Variants in CEP63 observed in about 807,000 individuals in gnomAD.
CEP63 encodes centrosomal protein of 63 kDa.
In CEP63, 84 loss-of-function variants were observed where a neutral mutation model predicts 89.1. The observed-to-expected ratio is 0.94, with a 90% CI of 0.79 to 1.13. The LOEUF (loss-of-function observed/expected upper bound fraction) is 1.13. Ranked by LOEUF, CEP63 falls within the 50% of genes most tolerant of loss-of-function variation. CEP63 has a pLI of 0.00. For synonymous variants in CEP63, 267 were observed against 272.5 expected (o/e 0.98, Z 0.20); for missense variants, 838 against 813.3 (o/e 1.03, Z -0.37).
At chr3:134,689,824 T>C in the CEP63 span, among the ~76,000 whole-genome samples, 1 of 152,176 alleles carries the variant, frequency 6.6e-6, no homozygotes, top group African/African-American at 2.4e-5. Flanking sequence ...CAGTAAGATG[T>C]TACAACTAAG....
At chr3:134,604,769 T>A in the CEP63 span, among the ~76,000 whole-genome samples, 1 of 152,182 alleles carries the variant, frequency 6.6e-6, no homozygotes, top group African/African-American at 2.4e-5. Context: ...CCAAGCTGTA[T>A]GTGTGCATCC....
At chr3:134,532,738 A>G (rs1204437148) in intron 4 of CEP63, 40 bp from the exon 5 acceptor site, 3 of 1,551,082 alleles carry the variant, frequency 1.9e-6, no homozygotes, top group Admixed American at 3.4e-5. Flanking sequence ...ACTTCTTACA[A>G]ATTCTTAAAC....
the CEP63 span, among the ~76,000 whole-genome samples, chr3:134,622,476 A>G: frequency 6.6e-6 from 1 of 152,218 alleles, no homozygotes; most frequent in Non-Finnish European, 1.5e-5. Context: ...AAGGACAAAT[A>G]CTGTATGATT....
chr3:134,747,888 C>T, the CEP63 span, among the ~76,000 whole-genome samples: 1,428 of 152,248 alleles, frequency 9.4e-3, 26 homozygotes, highest in African/African-American at 0.032. Flanking sequence ...CGGGTTGAAG[C>T]GATTCTCCTG....
the CEP63 span, chr3:134,650,863 T>G: frequency 6.2e-7 from 1 of 1,609,960 alleles, no homozygotes; most frequent in Non-Finnish European, 8.5e-7. Context: ...GTTCGCCTGC[T>G]GGTCTGAGAG....
the CEP63 span, among the ~76,000 whole-genome samples, chr3:134,655,311 G>T: frequency 2.0e-5 from 3 of 152,272 alleles, no homozygotes; most frequent in East Asian, 5.8e-4. Context: ...TGTGGCCACT[G>T]TTCTCAAACA....
At chr3:134,494,160 G>C (rs1398931286) in intron 1 of CEP63, among the ~76,000 whole-genome samples, 1 of 151,492 alleles carries the variant, frequency 6.6e-6, no homozygotes, top group Non-Finnish European at 1.5e-5. Flanking sequence ...CTGCCACCCA[G>C]GCTGTAGTGC....
intron 3 of CEP63, among the ~76,000 whole-genome samples, chr3:134,528,728 G>A (rs1300043131): frequency 6.6e-6 from 1 of 152,096 alleles, no homozygotes; most frequent in Non-Finnish European, 1.5e-5. Context: ...GGGATAATCT[G>A]TTTCCCTTTT....
chr3:134,531,416 C>G (rs935767664), intron 3 of CEP63, among the ~76,000 whole-genome samples: 2 of 151,958 alleles, frequency 1.3e-5, no homozygotes, highest in Non-Finnish European at 2.9e-5. Context: ...AACCCTGTCT[C>G]TACTAAAAAT....
At chr3:134,669,442 A>G in the CEP63 span, among the ~76,000 whole-genome samples, 1 of 152,196 alleles carries the variant, frequency 6.6e-6, no homozygotes, top group Non-Finnish European at 1.5e-5. Context: ...CACGTAATCC[A>G]GAAGTCTGGC....
At chr3:134,742,365 G>A in the CEP63 span, among the ~76,000 whole-genome samples, 2 of 152,182 alleles carry the variant, frequency 1.3e-5, no homozygotes, top group African/African-American at 2.4e-5. Flanking sequence ...AGTCCAGAGT[G>A]GGAGGAACAT....
In CEP63 at chr3:134,572,257, A is replaced by G. The variant is rs114151428; in HGVS notation, c.1330-2536A>G. On this transcript the variant is annotated intron_variant, in intron 11 of 11. Coordinates refer to the CEP63 transcript ENST00000354446. ...GAACTTAGTCTTTTTTTAAAAAATA[A>G]TTTCAACTTTTATTTTAAATTCAGG... 4.6e-3 allele frequency among the ~76,000 whole-genome samples: 698 copies of G among 152,234 alleles called. 11 individuals are homozygous for G. The highest frequency in any genetic ancestry group is 0.016 in the African/African-American group (672 of 41,552).
chr3:134,621,125 A>C, the CEP63 span, among the ~76,000 whole-genome samples: 3,909 of 152,334 alleles, frequency 0.026, 69 homozygotes, highest in South Asian at 0.053. Flanking sequence ...AGGCATCTGG[A>C]CAGCTGTAGC....
the CEP63 span, among the ~76,000 whole-genome samples, chr3:134,757,002 T>C: frequency 3.3e-5 from 5 of 152,114 alleles, no homozygotes; most frequent in African/African-American, 1.2e-4. Flanking sequence ...CAGATGGAAA[T>C]AGGGACCCAG....
chr3:134,650,866 T>C, the CEP63 span: 2 of 1,611,634 alleles, frequency 1.2e-6, no homozygotes, highest in African/African-American at 2.7e-5. Flanking sequence ...CGCCTGCTGG[T>C]CTGAGAGCGT....
chr3:134,753,000 AG>A, the CEP63 span, among the ~76,000 whole-genome samples: 17 of 152,158 alleles, frequency 1.1e-4, no homozygotes, highest in Admixed American at 2.6e-4. Context: ...CTGAGAAGAA[AG>A]GGCCTCTGGG....
the CEP63 span, among the ~76,000 whole-genome samples, chr3:134,641,440 G>A: frequency 2.0e-5 from 3 of 152,144 alleles, no homozygotes; most frequent in African/African-American, 7.2e-5. Context: ...TATAAGCAGA[G>A]AAGGCAATGT....
chr3:134,609,047 C>T, the CEP63 span, among the ~76,000 whole-genome samples: 4 of 152,198 alleles, frequency 2.6e-5, no homozygotes, highest in Admixed American at 2.6e-4. Context: ...GGGAAGGCCA[C>T]AGCCTGCAAC....
the CEP63 span, among the ~76,000 whole-genome samples, chr3:134,670,357 C>A: frequency 1.3e-5 from 2 of 152,062 alleles, no homozygotes; most frequent in Non-Finnish European, 2.9e-5. Flanking sequence ...CTATGGGGGT[C>A]CCTGATTTGA....
Sources: allele counts gnomAD v4.1 joint callset (sites outside exome capture counted in the v4.1 genomes callset), GRCh38; gene constraint gnomAD v4.1.1; transcripts MANE v1.5; gene names NCBI Gene and HGNC (gene_info 2026-07-23, HGNC 2026-07-21).